The following MMP1 variants were observed in gnomAD, a reference collection of about 807,000 sequenced individuals.
MMP1 encodes matrix metallopeptidase 1, also known as interstitial collagenase.
Under a neutral mutation model 49.6 loss-of-function variants are expected in MMP1, and 51 were observed. The observed-to-expected ratio is 1.03, with a 90% CI of 0.82 to 1.30. The LOEUF (loss-of-function observed/expected upper bound fraction) is 1.30, where lower values mean the gene tolerates loss of function less well. Among genes scored for constraint, MMP1 ranks in the 50% most tolerant of loss-of-function variants. MMP1 has a pLI of 0.00. For missense variants in MMP1, 623 were observed against 568.7 expected, an observed-to-expected ratio of 1.10 and a Z score of -0.97; for synonymous variants, 230 against 196.8, an observed-to-expected ratio of 1.17 and a Z score of -1.41.
At position 102,790,470 on chromosome 11, in the gene MMP1, G is replaced by A. The variant is rs146623880; in HGVS notation, c.1352C>T (p.Thr451Met). ...GTRQYKFDPK[T>M]KRILTLQKAN... ...TTTCTGGAGAGTCAAAATTCTCTTC[G>A]TTTTAGGATCAAATTTGTATTGTCT... The change falls in exon 10 of 10, where the codon ACG becomes ATG. Residue 451 changes from threonine (T) to methionine (M), a missense_variant. By Grantham distance (81) the Thr-to-Met change is moderately conservative. Coordinates refer to ENST00000315274, the MANE Select transcript of MMP1 (RefSeq NM_002421.4). 35 of 1,610,756 alleles carry A rather than the reference G, an allele frequency of 2.2e-5. No individual in the cohort carries two copies. The East Asian group carries it at 4.9e-4, about 23-fold the overall frequency.
Position 102,795,578 on chromosome 11 carries a change from C to G in MMP1, c.655G>C (p.Glu219Gln). 5.6e-6 allele frequency: 9 copies of G among 1,613,406 alleles called. No homozygotes were observed. In the South Asian group the frequency reaches 9.9e-5, roughly 18 times the overall value. The stretch of plus-strand genomic sequence containing the variant: ...GAGAGTCCAAGAGAATGGCCGAGTT[C>G]ATGAGCTGCAACACGATGTAAGTTG... ...EYNLHRVAAH[E>Q]LGHSLGLSHS... The change falls in exon 5 of 10, where the codon GAA becomes CAA. Residue 219 changes from glutamate (E) to glutamine (Q), a missense_variant. Physicochemically the swap from Glu to Gln is conservative, Grantham distance 29. Coordinates refer to ENST00000315274, the MANE Select transcript of MMP1 (RefSeq NM_002421.4).
At chr11:102,793,875 C>T (rs1591079632) in intron 6 of MMP1, among the ~76,000 whole-genome samples, 2 of 152,200 alleles carry the variant, frequency 1.3e-5, no homozygotes, top group South Asian at 2.1e-4. Context: ...GGGAAGCCTA[C>T]GGCCTTGGCT....
chr11:102,791,864 T>C (rs1469688431), intron 7 of MMP1, among the ~76,000 whole-genome samples: 1 of 152,220 alleles, frequency 6.6e-6, no homozygotes, highest in Non-Finnish European at 1.5e-5. Context: ...AAACCATTTG[T>C]ATCATAAAGG....
rs770633699 is a variant in MMP1, at chr11:102,790,752, A to C, written c.1251T>G (p.His417Gln). 1.2e-6 allele frequency: 2 copies of C among 1,613,678 alleles called. No individual in the cohort carries two copies. The highest frequency in any genetic ancestry group is 3.3e-5 in the Admixed American group (2 of 60,014). ...CTTTGTGGCCAATTCCAGGAAAGTCATGTGCTATCATTTTGGGATAACCTG... is the reference window on the plus strand; with the variant it reads ...CTTTGTGGCCAATTCCAGGAAAGTCCTGTGCTATCATTTTGGGATAACCTG... The part of the protein sequence containing the change: ...MDPGYPKMIA[H>Q]DFPGIGHKVD... The change falls in exon 9 of 10, where the codon CAT becomes CAG. Residue 417 changes from histidine (H) to glutamine (Q), a missense_variant. His to Gln is a conservative substitution (Grantham distance 24). Transcript: ENST00000315274.
rs541029375 is a variant in MMP1, at chr11:102,798,027, C to T, written c.66G>A (p.Ala22=). 39 of 1,613,684 alleles carry T rather than the reference C, an allele frequency of 2.4e-5. No individual in the cohort carries two copies. In the East Asian group the frequency reaches 2.5e-4, roughly 10 times the overall value. The change falls in exon 1 of 10, where the codon GCG becomes GCA. Residue 22 remains alanine, a synonymous_variant. Coordinates refer to ENST00000315274, the MANE Select transcript of MMP1 (RefSeq NM_002421.4). ...FWGVVSHSFP[A]TLETQEQDVD... is the part of the protein sequence containing the mutation. ...CATCTTGCTCTTGTGTTTCTAGAGTCGCTGGGAAGCTGTGAGACACCACAC... is the reference window on the plus strand; with the variant it reads ...CATCTTGCTCTTGTGTTTCTAGAGTTGCTGGGAAGCTGTGAGACACCACAC...
rs753339520 is a variant in MMP1, at chr11:102,798,062, G to T, written c.31C>A (p.Leu11Met). 2.0e-5 allele frequency: 32 copies of T among 1,573,418 alleles called. 1 individual carries two copies. The South Asian group carries it at 3.7e-4, about 18-fold the overall frequency. MHSFPPLLLL[L>M]FWGVVSHSFP... is the part of the protein sequence containing the mutation. Reference sequence around the variant, plus strand: ...CTGTGAGACACCACACCCCAGAACAGCAGCAGCAGCAGTGGAGGAAAGCTG... The same window carrying T: ...CTGTGAGACACCACACCCCAGAACATCAGCAGCAGCAGTGGAGGAAAGCTG... The change falls in exon 1 of 10, where the codon CTG becomes ATG. Residue 11 changes from leucine (L) to methionine (M), a missense_variant. Coordinates refer to ENST00000315274, the MANE Select transcript of MMP1 (RefSeq NM_002421.4).
At chr11:102,791,303 G>A (rs776690231) in intron 8 of MMP1, 30 bp downstream of exon 8, 1 of 1,612,548 alleles carries the variant, frequency 6.2e-7, no homozygotes, top group East Asian at 2.2e-5. Flanking sequence ...AAAGAACTGA[G>A]GCCCTAACAT....
rs371763181 is a variant in MMP1, at chr11:102,797,341, G to A, written c.265C>T (p.Gln89Ter). Residue 89 changes from glutamine to a stop codon, truncating the protein, a stop_gained, in exon 2 of 10, where the codon CAG becomes TAG. Transcript: ENST00000315274. LOFTEE classifies it high-confidence loss of function. ...PDAETLKVMKQPRCGVPDVAQ... is the reference protein window; with the variant it reads ...PDAETLKVMK The stretch of plus-strand genomic sequence containing the variant: ...ACATCAGGCACTCCACATCTGGGCT[G>A]CTTCATCACCTTCAGGGTTTCAGCA... 6 of 1,614,052 alleles carry A rather than the reference G, an allele frequency of 3.7e-6. No individual in the cohort carries two copies. The highest frequency in any genetic ancestry group is 5.1e-6 in the Non-Finnish European group (6 of 1,180,038).
In MMP1 at chr11:102,790,169, A is replaced by G. The variant is rs1450880383; in HGVS notation, c.*243T>C. 3 of 324,788 alleles carry G rather than the reference A, an allele frequency of 9.2e-6. No individual in the cohort carries two copies. In the Admixed American group the frequency reaches 1.4e-4, roughly 15 times the overall value. The allele number at this position is 324,788 out of a possible 1,614,324, so 20.1% of individuals were successfully genotyped here. A position where few individuals can be genotyped will look rare whatever the true frequency, so the allele number is the denominator to read the frequency against. ...GAAAAGATCTTTGCAACTCTGGCCT[A>G]TATGAATCCATAAGCCACAAACTTG... On this transcript the variant is annotated 3_prime_UTR_variant, in exon 10 of 10. Transcript: ENST00000315274.
chr11:102,797,140 A>T lies in MMP1; in HGVS notation c.373T>A (p.Leu125Met), dbSNP rs768912912. 3.7e-6 allele frequency: 6 copies of T among 1,614,152 alleles called. No homozygotes were observed. The Admixed American group carries it at 1.0e-4, about 27-fold the overall frequency. The change falls in exon 3 of 10, where the codon TTG becomes ATG. Residue 125 changes from leucine to methionine, a missense_variant. By Grantham distance (15) the Leu-to-Met change is conservative. Coordinates refer to ENST00000315274, the MANE Select transcript of MMP1 (RefSeq NM_002421.4). ...GCATGGTCCACATCTGCTCTTGGCA[A>T]ATCTGGCGTGTAATTTTCAATCCTT... ...TYRIENYTPD[L>M]PRADVDHAIE... is the part of the protein sequence containing the mutation.
rs1858129836 is a variant in MMP1, at chr11:102,794,640, G to A, written c.899+534C>T. Among the ~76,000 whole-genome samples the A allele has an allele frequency of 6.6e-6, 1 of 152,108 alleles. No individual in the cohort carries two copies. Among genetic ancestry groups the A allele is most frequent in the Non-Finnish European group, 1.5e-5 (1 of 68,026 alleles). Reference sequence around the variant, plus strand: ...TTCTCTTCTTCTCTGGGCCTCCAGGGGGCAACAGAGACCCTTCAAGTTAAT... The same window carrying A: ...TTCTCTTCTTCTCTGGGCCTCCAGGAGGCAACAGAGACCCTTCAAGTTAAT... On this transcript the variant is annotated intron_variant, in intron 6 of 9. Coordinates refer to ENST00000315274, the MANE Select transcript of MMP1 (RefSeq NM_002421.4). This position sits in a 1 kb window ranked among gnomAD's most constrained non-coding sequence, Gnocchi z 4.3.
At chr11:102,791,043 T>C (rs2134361359) in intron 8 of MMP1, among the ~76,000 whole-genome samples, 1 of 152,308 alleles carries the variant, frequency 6.6e-6, no homozygotes, top group Admixed American at 6.5e-5. Context: ...CCTATCGAGG[T>C]AACATACTAT....
intron 7 of MMP1, among the ~76,000 whole-genome samples, 164 bp from the exon 8 acceptor site, chr11:102,791,659 C>T (rs1858035822): frequency 6.6e-6 from 1 of 152,184 alleles, no homozygotes; most frequent in Non-Finnish European, 1.5e-5. Flanking sequence ...GACCCTATCC[C>T]AGACCAATTA....
Position 102,792,609 on chromosome 11 carries a change from GA to G in MMP1, c.1028del (p.Phe343SerfsTer32). ...AAAAATAATTAGAAAGATTACCTTTGAAAAACCGGACTTCATCTCTGTCGGC... is the reference window on the plus strand; with the variant it reads ...AAAAATAATTAGAAAGATTACCTTTGAAAACCGGACTTCATCTCTGTCGGC... ...EFADRDEVRFFKGNKYWAVQG... is the reference protein window; with the variant it reads ...EFADRDEVRFXKGNKYWAVQG... On this transcript the variant is annotated frameshift_variant, in exon 7 of 10. Transcript: ENST00000315274. LOFTEE classifies it high-confidence loss of function. 2 of 1,613,274 alleles carry G rather than the reference GA, an allele frequency of 1.2e-6. No individual in the cohort carries two copies. Among genetic ancestry groups the G allele is most frequent in the South Asian group, 2.2e-5 (2 of 90,874 alleles).
In MMP1 at chr11:102,795,008, G is replaced by A. The variant is rs575091503; in HGVS notation, c.899+166C>T. On this transcript the variant is annotated intron_variant, in intron 6 of 9. Coordinates refer to ENST00000315274, the MANE Select transcript of MMP1 (RefSeq NM_002421.4). ...GACCTAATACATGTAGAAAAACAAA[G>A]TTGTTACAAGTACATTATGTTGCAC... 72 of 629,624 alleles carry A rather than the reference G, an allele frequency of 1.1e-4. No homozygotes were observed. In the African/African-American group the frequency reaches 1.2e-3, roughly 11 times the overall value. The allele number at this position is 629,624 out of a possible 1,614,324, so 39.0% of individuals were successfully genotyped here.
At position 102,797,484 on chromosome 11, in the gene MMP1, T is replaced by G. The variant is rs1233727664; in HGVS notation, c.122A>C (p.Tyr41Ser). The change falls in exon 2 of 10, where the codon TAC (tyrosine) becomes TCC (serine). Residue 41 changes from tyrosine (Y) to serine (S), a missense_variant. Coordinates refer to ENST00000315274, the MANE Select transcript of MMP1 (RefSeq NM_002421.4). ...CCTCCCATCATTCTTCAGGTTGTAGTATTTTTCCAGGTATTTCTGACAAAA... is the reference window on the plus strand; with the variant it reads ...CCTCCCATCATTCTTCAGGTTGTAGGATTTTTCCAGGTATTTCTGACAAAA... ...VDLVQKYLEKYYNLKNDGRQV... is the reference protein window; with the variant it reads ...VDLVQKYLEKSYNLKNDGRQV... 1 of 1,614,016 alleles carries G rather than the reference T, an allele frequency of 6.2e-7. No homozygotes were observed. The highest frequency in any genetic ancestry group is 1.3e-5 in the African/African-American group (1 of 74,940).
At position 102,797,055 on chromosome 11, in the gene MMP1, G is replaced by A; in HGVS notation, c.458C>T (p.Ser153Phe). The A allele has an allele frequency of 1.9e-6, 3 of 1,614,140 alleles. No homozygotes were observed. Among genetic ancestry groups the A allele is most frequent in the Non-Finnish European group, 2.5e-6 (3 of 1,180,018 alleles). ...TATCATGATGTCTGCTTGACCCTCA[G>A]AGACCTTGGTGAATGTCAGAGGTGT... Reference protein sequence around the residue: ...NVTPLTFTKVSEGQADIMISF... With the variant: ...NVTPLTFTKVFEGQADIMISF... Residue 153 changes from serine to phenylalanine, a missense_variant, in exon 3 of 10, where the codon TCT becomes TTT. By Grantham distance (155) the Ser-to-Phe change is radical. Coordinates refer to ENST00000315274, the MANE Select transcript of MMP1 (RefSeq NM_002421.4).
rs1017820823 is a variant in MMP1 at position 102,795,497 on chromosome 11, C to T, written c.736G>A (p.Val246Ile). 1.2e-6 allele frequency: 2 copies of T among 1,614,046 alleles called. No homozygotes were observed. Among genetic ancestry groups the T allele is most frequent in the African/African-American group, 1.3e-5 (1 of 75,020 alleles). ...MYPSYTFSGD[V>I]QLAQDDIDGI... ...TCAATGTCATCCTGAGCTAGCTGAA[C>T]ATCACCACTGAAGGTGTAGCTAGGG... The change falls in exon 5 of 10, where the codon GTT (valine) becomes ATT (isoleucine). Residue 246 changes from valine (V) to isoleucine (I), a missense_variant. By Grantham distance (29) the Val-to-Ile change is conservative. Transcript: ENST00000315274.
intron 6 of MMP1, 42 bp from the exon 7 acceptor site, chr11:102,792,780 G>C: frequency 6.3e-7 from 1 of 1,582,796 alleles, no homozygotes; most frequent in Non-Finnish European, 8.7e-7. Flanking sequence ...TCTAATTTCT[G>C]GTAATCTCTG....
Sources: gnomAD v4.1 joint callset for allele counts (sites outside exome capture counted in the v4.1 genomes callset) on GRCh38, gnomAD v4.1.1 for gene constraint, Gnocchi (gnomAD v3.1) non-coding constraint, MANE v1.5 for transcripts, NCBI Gene and HGNC (gene_info 2026-07-23, HGNC 2026-07-21) for gene names.